The following CACNA1I variants were observed in gnomAD, a reference collection of about 807,000 sequenced individuals.
CACNA1I encodes calcium voltage-gated channel subunit alpha1 I.
Under a neutral mutation model 201.6 loss-of-function variants are expected in CACNA1I, and 74 were observed. The observed-to-expected ratio is 0.37, with a 90% CI of 0.30 to 0.45. The LOEUF (loss-of-function observed/expected upper bound fraction) is 0.45. Among genes scored for constraint, CACNA1I ranks in the 20% least tolerant of loss-of-function variants. The pLI, the probability that CACNA1I is intolerant of heterozygous loss-of-function variation, is 1.00. For synonymous variants in CACNA1I, 1,431 were observed against 1,345.2 expected (o/e 1.06, Z -1.40); for missense variants, 2,346 against 3,138.1 (o/e 0.75, Z 6.03).
chr22:39,660,102 C>A (rs529162249), intron 14 of CACNA1I, among the ~76,000 whole-genome samples: 1 of 152,148 alleles, frequency 6.6e-6, no homozygotes, highest in African/African-American at 2.4e-5. Flanking sequence ...GATTCGAAAT[C>A]CCCCAAGATT....
At chr22:39,642,925 C>G (rs546117537) in intron 7 of CACNA1I, 36 bp downstream of exon 7, 2 of 1,433,040 alleles carry the variant, frequency 1.4e-6, no homozygotes, top group East Asian at 2.4e-5. Flanking sequence ...TAGGTGTGCT[C>G]AGAACCCATG....
rs1317021983 is a variant in CACNA1I at position 39,680,910 on chromosome 22, G to A, written c.5542-20G>A. The A allele has an allele frequency of 1.2e-6, 2 of 1,602,532 alleles. No homozygotes were observed. Among genetic ancestry groups the A allele is most frequent in the Admixed American group, 1.7e-5 (1 of 59,596 alleles). ...CCATCCCAAACCTGGGTGACCCGAG[G>A]CCACCCCCTCTTCCTGCAGGTGCAG... On this transcript the variant is annotated intron_variant, in intron 33 of 36. Coordinates refer to ENST00000402142, the MANE Select transcript of CACNA1I (RefSeq NM_021096.4).
At chr22:39,577,650 T>C (rs966161461) in intron 1 of CACNA1I, among the ~76,000 whole-genome samples, 1 of 152,188 alleles carries the variant, frequency 6.6e-6, no homozygotes, top group Non-Finnish European at 1.5e-5. Context: ...AAAACTGCTC[T>C]GGCTGTGCAG....
intron 24 of CACNA1I, 122 bp from the exon 25 acceptor site, chr22:39,669,916 C>A: frequency 9.2e-7 from 1 of 1,086,148 alleles, no homozygotes; most frequent in Non-Finnish European, 1.4e-6. Flanking sequence ...GACCTCACAG[C>A]CACCTTCCTG....
chr22:39,670,356 T>C, intron 25 of CACNA1I, 126 bp downstream of exon 25: 1 of 934,310 alleles, frequency 1.1e-6, no homozygotes, highest in Non-Finnish European at 1.6e-6. Flanking sequence ...TGCCCAGGGC[T>C]CAGCCACTTC....
intron 4 of CACNA1I, among the ~76,000 whole-genome samples, chr22:39,619,789 C>A (rs374998832): frequency 3.9e-5 from 6 of 152,160 alleles, no homozygotes; most frequent in Non-Finnish European, 8.8e-5. Flanking sequence ...GAGCATTTCA[C>A]TGGGGCAATG....
intron 23 of CACNA1I, among the ~76,000 whole-genome samples, chr22:39,667,739 G>A (rs1935242587): frequency 6.6e-6 from 1 of 152,116 alleles, no homozygotes; most frequent in Admixed American, 6.5e-5. Context: ...CCATTTTACA[G>A]ATGAGGAAAT....
At position 39,664,929 on chromosome 22, in the gene CACNA1I, G is replaced by A. The variant is rs752543241; in HGVS notation, c.3851+6G>A. ...CGCACCCTACGCCCCCTGCGGTGAGGACCCCTCCTGGGCGGATGGGGGAAA... is the reference window on the plus strand; with the variant it reads ...CGCACCCTACGCCCCCTGCGGTGAGAACCCCTCCTGGGCGGATGGGGGAAA... On this transcript the variant is annotated splice_donor_region_variant and intron_variant, in intron 21 of 36. Transcript: ENST00000402142. The A allele has an allele frequency of 3.1e-6, 5 of 1,610,478 alleles. No individual in the cohort carries two copies. The highest frequency in any genetic ancestry group is 1.3e-5 in the African/African-American group (1 of 74,880).
intron 7 of CACNA1I, among the ~76,000 whole-genome samples, chr22:39,645,609 C>T (rs1201219966): frequency 3.3e-5 from 5 of 152,202 alleles, no homozygotes. Context: ...GCCAGCAACC[C>T]TCCCAGACTC....
chr22:39,677,376 C>T lies in CACNA1I; in HGVS notation c.4890C>T (p.Phe1630=), dbSNP rs772088395. The change falls in exon 30 of 37, where the codon TTC becomes TTT. Residue 1630 remains phenylalanine, a synonymous_variant. Transcript: ENST00000402142. The surrounding 1 kb of genome is among the most constrained non-coding windows in gnomAD (Gnocchi z 4.8). ...GNLGLLFMLL[F]FIYAALGVEL... Reference sequence around the variant, plus strand: ...TGGGCCTCCTCTTCATGCTGCTCTTCTTCATCTATGCTGCTCTCGGGGTGG... The same window carrying T: ...TGGGCCTCCTCTTCATGCTGCTCTTTTTCATCTATGCTGCTCTCGGGGTGG... 20 of 1,600,248 alleles carry T rather than the reference C, an allele frequency of 1.2e-5. No individual in the cohort carries two copies. In the South Asian group the frequency reaches 2.1e-4, roughly 17 times the overall value.
chr22:39,630,890 G>A (rs964977215), intron 4 of CACNA1I, among the ~76,000 whole-genome samples: 3 of 152,188 alleles, frequency 2.0e-5, no homozygotes, highest in African/African-American at 7.2e-5. Context: ...TGTCGTGGGT[G>A]GGGGCAGAGT....
At chr22:39,656,943 A>G (rs1934843420) in intron 10 of CACNA1I, among the ~76,000 whole-genome samples, 1 of 152,200 alleles carries the variant, frequency 6.6e-6, no homozygotes, top group South Asian at 2.1e-4. Flanking sequence ...CAGACACTTC[A>G]TCAGTCCCAG....
At chr22:39,605,714 G>A (rs1933202330) in intron 3 of CACNA1I, among the ~76,000 whole-genome samples, 1 of 152,182 alleles carries the variant, frequency 6.6e-6, no homozygotes, top group Non-Finnish European at 1.5e-5. Flanking sequence ...TCCTGCTTTT[G>A]ATTGGGGGGT....
Position 39,679,388 on chromosome 22 carries a change from G to C in CACNA1I, c.5337G>C (p.Ala1779=), listed in dbSNP as rs745557985. The C allele has an allele frequency of 2.0e-6, 3 of 1,488,516 alleles. No homozygotes were observed. The highest frequency in any genetic ancestry group is 2.7e-6 in the Non-Finnish European group (3 of 1,128,038). The allele number at this position is 1,488,516 out of a possible 1,614,324, so 92.2% of individuals were successfully genotyped here. ...CCCCTGGCCGAGGGCCGGGAGGGGC[G>C]GGCGGCGGGGGCGACACCGAGGGCG... ...PGAPGRGPGG[A]GGGGDTEGGL... is the part of the protein sequence containing the mutation. The change falls in exon 32 of 37, where the codon GCG becomes GCC. Residue 1779 remains alanine, a synonymous_variant. Transcript: ENST00000402142.
chr22:39,592,543 G>T (rs1404333834), intron 1 of CACNA1I, among the ~76,000 whole-genome samples: 1 of 152,202 alleles, frequency 6.6e-6, no homozygotes, highest in Non-Finnish European at 1.5e-5. Flanking sequence ...TGCAGTGAGG[G>T]CCTGAGGGGT....
At position 39,670,022 on chromosome 22, in the gene CACNA1I, T is replaced by C. The variant is rs752214329; in HGVS notation, c.4195-16T>C. ...GGCCCAATCAGCCTCCTCAGCCCTT[T>C]CTGACTCCCCTGCAGCCTGTGACCA... On this transcript the variant is annotated splice_polypyrimidine_tract_variant and intron_variant, in intron 24 of 36. Transcript: ENST00000402142. 2.5e-6 allele frequency: 4 copies of C among 1,612,014 alleles called. No individual in the cohort carries two copies. Among genetic ancestry groups the C allele is most frequent in the Non-Finnish European group, 3.4e-6 (4 of 1,179,808 alleles).
intron 5 of CACNA1I, among the ~76,000 whole-genome samples, chr22:39,638,285 A>G (rs571764665): frequency 1.3e-5 from 2 of 152,216 alleles, no homozygotes; most frequent in Non-Finnish European, 2.9e-5. Context: ...TGGATAGTCA[A>G]CTGTCCCAGG....
chr22:39,664,683 GC>G, intron 20 of CACNA1I, 55 bp from the exon 21 acceptor site: 1 of 260,852 alleles, frequency 3.8e-6, no homozygotes, highest in Non-Finnish European at 7.0e-6. Flanking sequence ...GGTTGGCCCC[GC>G]CCACCTGCCC....
chr22:39,657,768 G>A (rs1934869688), intron 10 of CACNA1I, among the ~76,000 whole-genome samples: 1 of 152,246 alleles, frequency 6.6e-6, no homozygotes, highest in Non-Finnish European at 1.5e-5. Flanking sequence ...GTGACGTCTA[G>A]CGACGCCTGT....
Sources: gnomAD v4.1 joint callset for allele counts (sites outside exome capture counted in the v4.1 genomes callset) on GRCh38, gnomAD v4.1.1 for gene constraint, Gnocchi (gnomAD v3.1) non-coding constraint, MANE v1.5 for transcripts, NCBI Gene and HGNC (gene_info 2026-07-23, HGNC 2026-07-21) for gene names.